AGAP1: variants seen among roughly 807,000 people sequenced by gnomAD.
AGAP1 encodes arf-GAP with GTPase, ANK repeat and PH domain-containing protein 1.
A neutral mutation model predicts 105.3 loss-of-function variants in AGAP1; 29 were observed. The observed-to-expected ratio is 0.28, with a 90% CI of 0.21 to 0.38. The LOEUF is 0.38. Ranked by LOEUF, AGAP1 falls within the 10% of genes least tolerant of loss-of-function variation. AGAP1 has a pLI of 1.00. For synonymous variants in AGAP1, 509 were observed against 485.9 expected, an observed-to-expected ratio of 1.05 and a Z score of -0.63; for missense variants, 998 against 1,165.1, an observed-to-expected ratio of 0.86 and a Z score of 2.09.
rs1445864306 is a variant in AGAP1, at chr2:236,120,178, G to A, written c.2115-14G>A. The A allele has an allele frequency of 1.9e-6, 3 of 1,601,982 alleles. No individual in the cohort carries two copies. The highest frequency in any genetic ancestry group is 2.6e-6 in the Non-Finnish European group (3 of 1,173,042). On this transcript the variant is annotated splice_polypyrimidine_tract_variant and intron_variant, in intron 16 of 17. Transcript: ENST00000304032. This position sits in a 1 kb window ranked among gnomAD's most constrained non-coding sequence, Gnocchi z 6.0. ...GCCTGATCGTGACTGCACCTGTCTG[G>A]TGGCTCTTTGCAGGGAAGAGAAGGA... is the stretch of plus-strand genomic sequence containing the variant.
In AGAP1 at chr2:236,092,283, A is replaced by G. The variant is rs2059081602; in HGVS notation, c.2115-27909A>G. ...AATGTGGACAAGCCAGGTGGGTTGTATCCATATCCTATGGTGATAACATAC... is the reference window on the plus strand; with the variant it reads ...AATGTGGACAAGCCAGGTGGGTTGTGTCCATATCCTATGGTGATAACATAC... On this transcript the variant is annotated intron_variant, in intron 16 of 17. Transcript: ENST00000304032. This position sits in a 1 kb window ranked among gnomAD's most constrained non-coding sequence, Gnocchi z 4.7. 6.6e-6 allele frequency among the ~76,000 whole-genome samples: 1 copy of G among 152,250 alleles called. No individual in the cohort carries two copies. The highest frequency in any genetic ancestry group is 1.9e-4 in the East Asian group (1 of 5,200).
intron 1 of AGAP1, among the ~76,000 whole-genome samples, chr2:235,697,272 C>A (rs1950041292): frequency 6.6e-6 from 1 of 152,200 alleles, no homozygotes; most frequent in African/African-American, 2.4e-5. Context: ...GCTGCCCAGG[C>A]GTTCCATGTA....
At chr2:235,524,564 C>G (rs1055722277) in intron 1 of AGAP1, 1 of 198,996 alleles carries the variant, frequency 5.0e-6, no homozygotes, top group African/African-American at 2.4e-5. Context: ...CACCCCACTA[C>G]TGCCCGCCCA....
intron 1 of AGAP1, among the ~76,000 whole-genome samples, chr2:235,607,121 G>A (rs992364292): frequency 7.2e-5 from 11 of 152,108 alleles, no homozygotes; most frequent in East Asian, 5.8e-4. Flanking sequence ...GGTAAGGGAC[G>A]TTTCCCGGAT....
intron 9 of AGAP1, among the ~76,000 whole-genome samples, chr2:235,848,006 A>G (rs1309391994): frequency 6.6e-6 from 1 of 152,254 alleles, no homozygotes; most frequent in East Asian, 1.9e-4. Flanking sequence ...GGTCAGTTCT[A>G]TAAGCAAATG....
At chr2:235,859,377 C>T in intron 9 of AGAP1, among the ~76,000 whole-genome samples, 1 of 126,218 alleles carries the variant, frequency 7.9e-6, no homozygotes, top group Non-Finnish European at 1.7e-5. Flanking sequence ...AAATCTGCAA[C>T]TCTCCCCCCA....
intron 1 of AGAP1, among the ~76,000 whole-genome samples, chr2:235,529,924 C>A: frequency 6.6e-6 from 1 of 152,270 alleles, no homozygotes. Flanking sequence ...AACTACCTGT[C>A]CTCTGGAGAT....
intron 1 of AGAP1, among the ~76,000 whole-genome samples, chr2:235,584,598 G>C (rs1026927331): frequency 6.6e-6 from 1 of 151,744 alleles, no homozygotes; most frequent in African/African-American, 2.4e-5. Context: ...GCTAGGAAGA[G>C]GCAAGGAGGG....
At position 236,121,320 on chromosome 2, in the gene AGAP1, A is replaced by T. The variant is rs1191990154; in HGVS notation, c.2370+873A>T. On this transcript the variant is annotated intron_variant, in intron 17 of 17. Coordinates refer to ENST00000304032, the MANE Select transcript of AGAP1 (RefSeq NM_001037131.3). This position sits in a 1 kb window ranked among gnomAD's most constrained non-coding sequence, Gnocchi z 4.9. The stretch of plus-strand genomic sequence containing the variant: ...GACTTTTTTGTTTTTTGTTTTTTTG[A>T]GACAGAGTCTCGCTCTGTCACCCAG... Among the ~76,000 whole-genome samples, 2 of 152,072 alleles carry T rather than the reference A, an allele frequency of 1.3e-5. No individual in the cohort carries two copies. Among genetic ancestry groups the T allele is most frequent in the Admixed American group, 6.6e-5 (1 of 15,262 alleles).
At chr2:235,731,542 A>G (rs1951946837) in intron 3 of AGAP1, among the ~76,000 whole-genome samples, 1 of 152,204 alleles carries the variant, frequency 6.6e-6, no homozygotes, top group Admixed American at 6.5e-5. Context: ...GTGGGAATTG[A>G]ACAGAAGACA....
intron 1 of AGAP1, among the ~76,000 whole-genome samples, chr2:235,564,083 T>G (rs1944259335): frequency 6.6e-6 from 1 of 152,182 alleles, no homozygotes; most frequent in African/African-American, 2.4e-5. Flanking sequence ...TCAATAGGTC[T>G]TCCTCTTTAC....
intron 9 of AGAP1, among the ~76,000 whole-genome samples, chr2:235,880,846 TGCTTGTTTATTACC>T (rs1228819188): frequency 6.6e-6 from 1 of 152,196 alleles, no homozygotes; most frequent in Non-Finnish European, 1.5e-5. Context: ...TTGAAGCAAT[TGCTTGTTTATTACC>T]GCATCGCTGA....
rs567578383 is a variant in AGAP1, at chr2:235,734,190, C to T, written c.311-6773C>T. Among the ~76,000 whole-genome samples, 58 of 152,240 alleles carry T rather than the reference C, an allele frequency of 3.8e-4. No homozygotes were observed. In the Middle Eastern group the frequency reaches 0.01, roughly 27 times the overall value. On this transcript the variant is annotated intron_variant, in intron 3 of 17. Coordinates refer to ENST00000304032, the MANE Select transcript of AGAP1 (RefSeq NM_001037131.3). The surrounding 1 kb of genome is among the most constrained non-coding windows in gnomAD (Gnocchi z 5.3). ...AATAATACAGTTTGCAGATTTTCTC[C>T]CGATGTCATCATGGCACTCAGTAAC... is the stretch of plus-strand genomic sequence containing the variant.
rs144197887 is a variant in AGAP1, at chr2:236,012,865, G to A, written c.1646-23696G>A. The stretch of plus-strand genomic sequence containing the variant: ...ACGATCTCAGCTCACTGCAACCTCC[G>A]CCTCCAGAGTAGCTGGGATTATAGG... On this transcript the variant is annotated intron_variant, in intron 13 of 17. Coordinates refer to ENST00000304032, the MANE Select transcript of AGAP1 (RefSeq NM_001037131.3). This position sits in a 1 kb window ranked among gnomAD's most constrained non-coding sequence, Gnocchi z 4.9. Among the ~76,000 whole-genome samples the A allele has an allele frequency of 7.4e-3, 1,118 of 152,094 alleles. 11 individuals carry two copies. Among genetic ancestry groups the A allele is most frequent in the African/African-American group, 0.026 (1,059 of 41,480 alleles).
chr2:235,886,964 A>G (rs6714425), intron 10 of AGAP1, among the ~76,000 whole-genome samples: 11 of 152,262 alleles, frequency 7.2e-5, no homozygotes, highest in East Asian at 5.8e-4. Context: ...TCTTGGTTCA[A>G]AATGGGAAGA....
chr2:235,853,621 A>G (rs1384518367), intron 9 of AGAP1, among the ~76,000 whole-genome samples: 2 of 152,232 alleles, frequency 1.3e-5, no homozygotes, highest in Admixed American at 1.3e-4. Context: ...AGAATGTTTT[A>G]TCAGACAATA....
chr2:235,916,910 G>A (rs973159701), intron 11 of AGAP1, among the ~76,000 whole-genome samples: 4 of 152,196 alleles, frequency 2.6e-5, no homozygotes, highest in Admixed American at 6.5e-5. Flanking sequence ...TATCATGGCA[G>A]CAAGGGGGCA....
chr2:235,571,878 G>A (rs902301912), intron 1 of AGAP1, among the ~76,000 whole-genome samples: 5 of 149,888 alleles, frequency 3.3e-5, no homozygotes, highest in East Asian at 2.0e-4. Flanking sequence ...GACTACAGGC[G>A]TTTGCCACCA....
Position 235,723,548 on chromosome 2 carries a change from C to T in AGAP1, c.310+5904C>T, listed in dbSNP as rs185828957. Reference sequence around the variant, plus strand: ...CTCTGAGACCCGTTCCCCAGGACAACTCTCTCTGTGTCACCCATGGCATCA... The same window carrying T: ...CTCTGAGACCCGTTCCCCAGGACAATTCTCTCTGTGTCACCCATGGCATCA... On this transcript the variant is annotated intron_variant, in intron 3 of 17. Coordinates refer to ENST00000304032, the MANE Select transcript of AGAP1 (RefSeq NM_001037131.3). This position sits in a 1 kb window ranked among gnomAD's most constrained non-coding sequence, Gnocchi z 6.2. Among the ~76,000 whole-genome samples, 101 of 152,324 alleles carry T rather than the reference C, an allele frequency of 6.6e-4. No individual in the cohort carries two copies. The highest frequency in any genetic ancestry group is 4.4e-4 in the Non-Finnish European group (30 of 68,036).
Sources: allele counts gnomAD v4.1 joint callset (sites outside exome capture counted in the v4.1 genomes callset), GRCh38; gene constraint gnomAD v4.1.1; non-coding constraint Gnocchi (gnomAD v3.1); transcripts MANE v1.5; gene names NCBI Gene and HGNC (gene_info 2026-07-23, HGNC 2026-07-21).